RBFOX1: variants seen among roughly 807,000 people sequenced by gnomAD.
RBFOX1 encodes the protein RNA binding fox-1 homolog 1, also known as RNA binding protein fox-1 homolog 1.
RBFOX1 carries 8 observed loss-of-function variants against 57.7 expected under a neutral mutation model. That is an observed-to-expected ratio of 0.14 (90% CI 0.08 to 0.25). RBFOX1 has a LOEUF of 0.25. Ranked by LOEUF, RBFOX1 falls within the 10% of genes least tolerant of loss-of-function variation. The probability of loss-of-function intolerance (pLI) is 1.00; values close to 1 mark genes in which losing one functional copy is unlikely to be tolerated. For missense variants in RBFOX1, 611 were observed against 548.5 expected, an observed-to-expected ratio of 1.11 and a Z score of -1.14; for synonymous variants, 326 against 222.4, an observed-to-expected ratio of 1.47 and a Z score of -4.15.
chr16:7,236,442 C>A (rs921280385), intron 4 of RBFOX1, among the ~76,000 whole-genome samples: 9 of 152,148 alleles, frequency 5.9e-5, no homozygotes, highest in African/African-American at 1.7e-4. Context: ...GTTCTCCTCT[C>A]CGCTGTCATG....
chr16:5,936,528 C>T (rs1338805074), intron 4 of RBFOX1, among the ~76,000 whole-genome samples: 1 of 152,128 alleles, frequency 6.6e-6, no homozygotes, highest in Non-Finnish European at 1.5e-5. Context: ...AGTTCCTCTG[C>T]CCATGTCAAG....
At chr16:7,225,301 G>A (rs1387023871) in intron 4 of RBFOX1, among the ~76,000 whole-genome samples, 1 of 152,118 alleles carries the variant, frequency 6.6e-6, no homozygotes, top group Non-Finnish European at 1.5e-5. Context: ...GGAGGGACTT[G>A]ATGGGAGATA....
chr16:6,483,798 G>A, intron 2 of RBFOX1: 1 of 1,378,848 alleles, frequency 7.3e-7, no homozygotes, highest in Non-Finnish European at 9.4e-7. Flanking sequence ...CGGTGGCGGC[G>A]TGTGCGCCTC....
chr16:7,084,533 A>T (rs779737434), intron 4 of RBFOX1, among the ~76,000 whole-genome samples: 1 of 152,166 alleles, frequency 6.6e-6, no homozygotes, highest in Non-Finnish European at 1.5e-5. Flanking sequence ...CCATGCAGCA[A>T]TGCCCCAAAA....
intron 4 of RBFOX1, among the ~76,000 whole-genome samples, chr16:7,382,917 T>A (rs1036288495): frequency 1.3e-5 from 2 of 152,192 alleles, no homozygotes; most frequent in Non-Finnish European, 2.9e-5. Context: ...GTTTAGATAT[T>A]TGCCTTTAGA....
chr16:6,951,412 T>C (rs917708774), intron 3 of RBFOX1, among the ~76,000 whole-genome samples: 1 of 152,126 alleles, frequency 6.6e-6, no homozygotes, highest in Non-Finnish European at 1.5e-5. Context: ...CGTACATTTA[T>C]TTTACTTAAG....
intron 1 of RBFOX1, among the ~76,000 whole-genome samples, chr16:6,271,227 C>A (rs1315407732): frequency 6.6e-6 from 1 of 152,106 alleles, no homozygotes; most frequent in Non-Finnish European, 1.5e-5. Context: ...AGTTTGAGAC[C>A]AGTCTGGCCA....
chr16:7,109,052 C>T (rs375824279), intron 4 of RBFOX1, among the ~76,000 whole-genome samples: 2 of 152,120 alleles, frequency 1.3e-5, no homozygotes, highest in Non-Finnish European at 2.9e-5. Flanking sequence ...ATACAAGACA[C>T]TGCTAACTTC....
chr16:6,816,394 G>A (rs1390633987), intron 3 of RBFOX1, among the ~76,000 whole-genome samples: 3 of 150,054 alleles, frequency 2.0e-5, no homozygotes, highest in East Asian at 3.9e-4. Context: ...CTTCGGTTTT[G>A]TTGTTGCCAG....
intron 3 of RBFOX1, among the ~76,000 whole-genome samples, chr16:5,651,440 C>T (rs1463107575): frequency 1.3e-5 from 2 of 152,130 alleles, no homozygotes; most frequent in African/African-American, 4.8e-5. Flanking sequence ...GCTGCCACCC[C>T]AGGTAGACAC....
chr16:6,713,877 T>A (rs937185795), intron 3 of RBFOX1, among the ~76,000 whole-genome samples: 1 of 152,186 alleles, frequency 6.6e-6, no homozygotes, highest in Non-Finnish European at 1.5e-5. Flanking sequence ...ACTGATAGCA[T>A]GTGGAGAATT....
At chr16:6,679,803 TATTA>T (rs1417789453) in intron 3 of RBFOX1, among the ~76,000 whole-genome samples, 1 of 151,822 alleles carries the variant, frequency 6.6e-6, no homozygotes, top group East Asian at 1.9e-4. Flanking sequence ...GTTTGTCCAG[TATTA>T]ATTCATCAGA....
chr16:6,153,936 G>A (rs577639274), intron 1 of RBFOX1, among the ~76,000 whole-genome samples: 10 of 152,096 alleles, frequency 6.6e-5, no homozygotes, highest in African/African-American at 1.7e-4. Context: ...AGGTGACCTC[G>A]TTCTAATTTT....
chr16:7,517,117 T>C (rs2076521849), intron 4 of RBFOX1, among the ~76,000 whole-genome samples: 1 of 149,290 alleles, frequency 6.7e-6, no homozygotes, highest in African/African-American at 2.5e-5. Flanking sequence ...GTTTAGACCT[T>C]TGGGTTACAA....
intron 3 of RBFOX1, among the ~76,000 whole-genome samples, chr16:7,030,969 A>T (rs1485223432): frequency 1.3e-5 from 2 of 152,208 alleles, no homozygotes; most frequent in African/African-American, 4.8e-5. Context: ...AAGAAAGGAC[A>T]TGGGGTGTGT....
At chr16:7,699,556 G>A (rs1288039660) in intron 14 of RBFOX1, among the ~76,000 whole-genome samples, 1 of 152,170 alleles carries the variant, frequency 6.6e-6, no homozygotes, top group Non-Finnish European at 1.5e-5. Flanking sequence ...GTGTTCACAT[G>A]TGGCTGTGGA....
chr16:5,735,107 T>C (rs139762236), intron 3 of RBFOX1, among the ~76,000 whole-genome samples: 159 of 152,308 alleles, frequency 1.0e-3, no homozygotes, highest in South Asian at 2.7e-3. Flanking sequence ...CCAGCTTTCC[T>C]TAGTTACTCC....
intron 4 of RBFOX1, among the ~76,000 whole-genome samples, chr16:7,495,089 A>G (rs996179747): frequency 6.6e-6 from 1 of 152,086 alleles, no homozygotes; most frequent in African/African-American, 2.4e-5. Context: ...CTGTTCCTGC[A>G]TTAATTCAGT....
intron 1 of RBFOX1, among the ~76,000 whole-genome samples, chr16:6,310,912 A>T (rs2080188825): frequency 1.5e-5 from 1 of 68,498 alleles, no homozygotes; most frequent in African/African-American, 7.5e-5. Flanking sequence ...AAAAAAAAAA[A>T]AAAAAAAAGA....
Sources: allele counts gnomAD v4.1 joint callset (sites outside exome capture counted in the v4.1 genomes callset), GRCh38; gene constraint gnomAD v4.1.1; transcripts MANE v1.5; gene names NCBI Gene and HGNC (gene_info 2026-07-23, HGNC 2026-07-21).